NAALAD2: variants seen among roughly 807,000 people sequenced by gnomAD.
The protein encoded by NAALAD2 is N-acetylated alpha-linked acidic dipeptidase 2.
NAALAD2 carries 89 observed loss-of-function variants against 95.6 expected under a neutral mutation model. That is an observed-to-expected ratio of 0.93 (90% CI 0.78 to 1.11). The LOEUF is 1.11. NAALAD2 is among the 50% of genes least tolerant of loss of function. NAALAD2 has a pLI of 0.00. For synonymous variants in NAALAD2, 264 were observed against 294.4 expected, an observed-to-expected ratio of 0.90 and a Z score of 1.06; for missense variants, 894 against 872.4, an observed-to-expected ratio of 1.02 and a Z score of -0.31.
intron 8 of NAALAD2, among the ~76,000 whole-genome samples, chr11:90,162,115 C>T (rs767455518): frequency 1.1e-4 from 17 of 152,190 alleles, no homozygotes; most frequent in South Asian, 4.1e-4. Context: ...CTAGAAACAA[C>T]GGAGGTCTCC....
At position 90,162,925 on chromosome 11, in the gene NAALAD2, AATTT is replaced by A. The variant is rs1267195268; in HGVS notation, c.990-20_990-17del. 1.6e-6 allele frequency: 2 copies of A among 1,261,274 alleles called. No homozygotes were observed. Among genetic ancestry groups the A allele is most frequent in the Middle Eastern group, 4.0e-4 (2 of 4,972 alleles). The allele number at this position is 1,261,274 out of a possible 1,614,324, so 78.1% of individuals were successfully genotyped here. ...AAAAACATAATTTGCTGTACTAAGT[AATTT>A]ATTCCTTTTAAAATTCTAGGAAGGT... On this transcript the variant is annotated intron_variant, in intron 8 of 18. Coordinates refer to ENST00000534061, the MANE Select transcript of NAALAD2 (RefSeq NM_005467.4).
chr11:90,153,826 A>G (rs1301333496), intron 6 of NAALAD2, among the ~76,000 whole-genome samples: 2 of 152,022 alleles, frequency 1.3e-5, no homozygotes, highest in Non-Finnish European at 2.9e-5. Flanking sequence ...GTAAAGTTTC[A>G]ATACCAATTT....
At chr11:90,137,039 A>C (rs2134817034) in intron 2 of NAALAD2, among the ~76,000 whole-genome samples, 1 of 152,340 alleles carries the variant, frequency 6.6e-6, no homozygotes, top group African/African-American at 2.4e-5. Flanking sequence ...AAAAAGAAAG[A>C]AATCCTATCA....
At position 90,161,052 on chromosome 11, in the gene NAALAD2, T is replaced by C. The variant is rs147661109; in HGVS notation, c.989+1715T>C. On this transcript the variant is annotated intron_variant, in intron 8 of 18. Transcript: ENST00000534061. ...GCAGAAACATAAAACAAAACATCAG[T>C]AGAGAAAAAATAAAGCTAGAGATAT... 1.6e-3 allele frequency among the ~76,000 whole-genome samples: 238 copies of C among 152,220 alleles called. 1 individual carries two copies. Among genetic ancestry groups the C allele is most frequent in the African/African-American group, 5.2e-3 (218 of 41,556 alleles).
chr11:90,147,375 C>T lies in NAALAD2; in HGVS notation c.240C>T (p.Phe80=), dbSNP rs1951772042. Residue 80 remains phenylalanine, a synonymous_variant, in exon 3 of 19, where the codon TTC becomes TTT. Coordinates refer to ENST00000534061, the MANE Select transcript of NAALAD2 (RefSeq NM_005467.4). ...LPHLAGTEQN[F]LLAKKIQTQW... is the part of the protein sequence containing the mutation. Reference sequence around the variant, plus strand: ...ATCTGGCAGGAACAGAACAAAATTTCTTGCTTGCCAAGAAAATCCAAACCC... The same window carrying T: ...ATCTGGCAGGAACAGAACAAAATTTTTTGCTTGCCAAGAAAATCCAAACCC... 1.2e-6 allele frequency: 2 copies of T among 1,613,920 alleles called. No individual in the cohort carries two copies. The highest frequency in any genetic ancestry group is 2.2e-5 in the East Asian group (1 of 44,854).
rs947560415 is a variant in NAALAD2 at position 90,137,164 on chromosome 11, C to A, written c.194+1494C>A. On this transcript the variant is annotated intron_variant, in intron 2 of 18. Transcript: ENST00000534061. ...ATGTGGGAGCTAAAAAAAAATTGAT[C>A]TCATGGAGACAGAGAATAGAATGAT... is the stretch of plus-strand genomic sequence containing the variant. 2.7e-5 allele frequency among the ~76,000 whole-genome samples: 4 copies of A among 149,060 alleles called. No homozygotes were observed. In the East Asian group the frequency reaches 8.2e-4, roughly 31 times the overall value.
Position 90,182,965 on chromosome 11 carries a change from G to A in NAALAD2, c.1990G>A (p.Ala664Thr). 6.2e-7 allele frequency: 1 copy of A among 1,612,730 alleles called. No individual in the cohort carries two copies. The highest frequency in any genetic ancestry group is 8.5e-7 in the Non-Finnish European group (1 of 1,178,958). Reference protein sequence around the residue: ...MNDQLMLLERAFIDPLGLPGK... With the variant: ...MNDQLMLLERTFIDPLGLPGK... ...TGACCAACTGATGCTCCTGGAAAGA[G>A]CATTCATCGATCCTCTTGGTTTACC... The change falls in exon 18 of 19, where the codon GCA (alanine) becomes ACA (threonine). Residue 664 changes from alanine (A) to threonine (T), a missense_variant. Physicochemically the swap from Ala to Thr is moderately conservative, Grantham distance 58. Transcript: ENST00000534061.
intron 15 of NAALAD2, 43 bp downstream of exon 15, chr11:90,176,105 A>C (rs1184019027): frequency 6.8e-7 from 1 of 1,474,634 alleles, no homozygotes; most frequent in South Asian, 1.2e-5. Flanking sequence ...TTTCATCTAC[A>C]GTCCTTTGGC....
At chr11:90,170,249 G>T (rs1591007472) in intron 13 of NAALAD2, 113 bp downstream of exon 13, 1 of 720,626 alleles carries the variant, frequency 1.4e-6, no homozygotes, top group South Asian at 1.7e-5. Context: ...GAACATAATA[G>T]AATCATATAA....
intron 2 of NAALAD2, among the ~76,000 whole-genome samples, chr11:90,137,863 G>A (rs917337994): frequency 5.9e-5 from 9 of 151,752 alleles, no homozygotes; most frequent in South Asian, 2.1e-4. Context: ...GGCTGGTCTC[G>A]AACTCATGAG....
intron 7 of NAALAD2, chr11:90,158,919 G>A: frequency 3.7e-6 from 1 of 270,280 alleles, no homozygotes; most frequent in South Asian, 4.4e-5. Context: ...CCTGTATTTA[G>A]GATATCTTGG....
chr11:90,142,164 T>A (rs868345699), intron 2 of NAALAD2, among the ~76,000 whole-genome samples: 35 of 152,250 alleles, frequency 2.3e-4, no homozygotes, highest in African/African-American at 7.9e-4. Context: ...AATATGATCA[T>A]ATGATTTTTC....
chr11:90,159,567 T>C (rs1177597089), intron 8 of NAALAD2, among the ~76,000 whole-genome samples: 2 of 152,162 alleles, frequency 1.3e-5, no homozygotes, highest in Non-Finnish European at 2.9e-5. Flanking sequence ...AATATAGGTT[T>C]AACATTTCAA....
At chr11:90,152,758 G>A (rs1172336325) in intron 6 of NAALAD2, among the ~76,000 whole-genome samples, 1 of 151,974 alleles carries the variant, frequency 6.6e-6, no homozygotes, top group East Asian at 1.9e-4. Flanking sequence ...CATACCTAAA[G>A]TAATGCTCCT....
chr11:90,139,323 C>G (rs1341107512), intron 2 of NAALAD2, among the ~76,000 whole-genome samples: 1 of 152,142 alleles, frequency 6.6e-6, no homozygotes, highest in Non-Finnish European at 1.5e-5. Flanking sequence ...CAGTCCTTAT[C>G]ATAAACCCAA....
Position 90,177,895 on chromosome 11 carries a change from T to G in NAALAD2, c.1636T>G (p.Tyr546Asp). 1 of 1,613,950 alleles carries G rather than the reference T, an allele frequency of 6.2e-7. No individual in the cohort carries two copies. Among genetic ancestry groups the G allele is most frequent in the South Asian group, 1.1e-5 (1 of 91,076 alleles). Residue 546 changes from tyrosine (Y) to aspartate (D), a missense_variant, in exon 16 of 19, where the codon TAT (tyrosine) becomes GAT (aspartate). By Grantham distance (160) the Tyr-to-Asp change is radical (BLOSUM62 -3). Transcript: ENST00000534061. The stretch of plus-strand genomic sequence containing the variant: ...CAGCTACCCAGTGTACCACACAATT[T>G]ATGAGACATTTGAATTGGTAGAGAA... ...YSSYPVYHTI[Y>D]ETFELVEKFY...
At chr11:90,139,439 G>A (rs1951547068) in intron 2 of NAALAD2, among the ~76,000 whole-genome samples, 1 of 151,996 alleles carries the variant, frequency 6.6e-6, no homozygotes, top group Non-Finnish European at 1.5e-5. Context: ...ATCCCCCTCT[G>A]CCCCCAGGAT....
rs1376941699 is a variant in NAALAD2 at position 90,192,692 on chromosome 11, ATTCATACATTTAATAAT to A, written c.*950_*966del. 1.3e-5 allele frequency: 2 copies of A among 152,070 alleles called. No individual in the cohort carries two copies. The highest frequency in any genetic ancestry group is 4.8e-5 in the African/African-American group (2 of 41,454). 9.4% of individuals were successfully genotyped at this position (152,070 alleles called of 1,614,324 possible). A position where few individuals can be genotyped will look rare whatever the true frequency, so the allele number is the denominator to read the frequency against. ...GAATGGTCAGGAAAAAGCCAGTAAT[ATTCATACATTTAATAAT>A]TTCAGCTCTACTGAATAAACATATA... On this transcript the variant is annotated 3_prime_UTR_variant, in exon 19 of 19. Coordinates refer to ENST00000534061, the MANE Select transcript of NAALAD2 (RefSeq NM_005467.4).
chr11:90,174,420 A>T (rs1044590880), intron 14 of NAALAD2, among the ~76,000 whole-genome samples: 1 of 152,160 alleles, frequency 6.6e-6, no homozygotes, highest in Non-Finnish European at 1.5e-5. Flanking sequence ...TTAGAGCACA[A>T]ATAGATCTAG....
Sources: allele counts gnomAD v4.1 joint callset (sites outside exome capture counted in the v4.1 genomes callset), GRCh38; gene constraint gnomAD v4.1.1; transcripts MANE v1.5; gene names NCBI Gene and HGNC (gene_info 2026-07-23, HGNC 2026-07-21).